DOCK1: variants seen among roughly 807,000 people sequenced by gnomAD.
DOCK1 encodes the protein dedicator of cytokinesis 1.
In DOCK1, 138 loss-of-function variants were observed where a neutral mutation model predicts 262.7. The observed-to-expected ratio is 0.53, with a 90% CI of 0.46 to 0.61. DOCK1 has a LOEUF of 0.61. Ranked by LOEUF, DOCK1 falls within the 20% of genes least tolerant of loss-of-function variation. The probability of loss-of-function intolerance (pLI) is 0.00; values close to 1 mark genes in which losing one functional copy is unlikely to be tolerated. For synonymous variants in DOCK1, 866 were observed against 867.4 expected (o/e 1.00, Z 0.03); for missense variants, 1,908 against 2,370.7 (o/e 0.80, Z 4.05).
chr10:127,018,681 C>T (rs770161078), intron 12 of DOCK1, 29 bp from the exon 13 acceptor site: 21 of 1,613,524 alleles, frequency 1.3e-5, no homozygotes, highest in East Asian at 2.2e-5. Context: ...GGATAAAATG[C>T]GACTTAAGAG....
At chr10:127,352,621 C>A (rs1324396966) in intron 31 of DOCK1, among the ~76,000 whole-genome samples, 1 of 152,034 alleles carries the variant, frequency 6.6e-6, no homozygotes, top group Non-Finnish European at 1.5e-5. Context: ...GATACAGAGT[C>A]TTTCTCTGTC....
chr10:126,940,611 C>T (rs1038632532), intron 1 of DOCK1, among the ~76,000 whole-genome samples: 1 of 152,132 alleles, frequency 6.6e-6, no homozygotes, highest in Non-Finnish European at 1.5e-5. Flanking sequence ...ACCATGTTGG[C>T]CAGGCTAGTC....
At chr10:126,940,174 C>T (rs988165923) in intron 1 of DOCK1, among the ~76,000 whole-genome samples, 2 of 152,186 alleles carry the variant, frequency 1.3e-5, no homozygotes, top group Non-Finnish European at 1.5e-5. Flanking sequence ...GTGAATTAAT[C>T]ACGGTTTACA....
rs144770434 is a variant in DOCK1, at chr10:126,926,487, C to T, written c.46+20924C>T. On this transcript the variant is annotated intron_variant, in intron 1 of 51. Transcript: ENST00000623213. ...CACAACTACTTATCTTGCAGTTTTACGACTGTATCACTTAATAAACATTCT... is the reference window on the plus strand; with the variant it reads ...CACAACTACTTATCTTGCAGTTTTATGACTGTATCACTTAATAAACATTCT... Among the ~76,000 whole-genome samples, 290 of 152,218 alleles carry T rather than the reference C, an allele frequency of 1.9e-3. 2 individuals carry two copies. Among genetic ancestry groups the T allele is most frequent in the African/African-American group, 6.5e-3 (272 of 41,532 alleles).
At chr10:127,179,631 C>A (rs974747190) in intron 27 of DOCK1, among the ~76,000 whole-genome samples, 1 of 152,012 alleles carries the variant, frequency 6.6e-6, no homozygotes, top group African/African-American at 2.4e-5. Context: ...TTCATTTGCT[C>A]TTTATTGGGG....
chr10:127,361,872 A>C (rs2064473280), intron 32 of DOCK1, among the ~76,000 whole-genome samples, 192 bp from the exon 33 acceptor site: 1 of 152,206 alleles, frequency 6.6e-6, no homozygotes, highest in Non-Finnish European at 1.5e-5. Context: ...AACATGTGGA[A>C]TACAGGCCAC....
chr10:127,174,684 AAC>A (rs1186455788), intron 27 of DOCK1, among the ~76,000 whole-genome samples: 1 of 152,174 alleles, frequency 6.6e-6, no homozygotes, highest in African/African-American at 2.4e-5. Context: ...CAGAATGGAA[AAC>A]ACACTGTCTA....
intron 27 of DOCK1, among the ~76,000 whole-genome samples, chr10:127,169,998 T>C (rs757352019): frequency 4.0e-5 from 6 of 151,778 alleles, no homozygotes; most frequent in Non-Finnish European, 8.8e-5. Context: ...GGGGTTCCTT[T>C]AGCTTCTTTT....
chr10:126,907,443 C>T (rs2031076015), intron 1 of DOCK1, among the ~76,000 whole-genome samples: 1 of 152,082 alleles, frequency 6.6e-6, no homozygotes, highest in Admixed American at 6.5e-5. Flanking sequence ...TCCCATTCTA[C>T]AGAGGCAAGG....
At chr10:127,191,050 A>G (rs1393439835) in intron 27 of DOCK1, among the ~76,000 whole-genome samples, 3 of 151,776 alleles carry the variant, frequency 2.0e-5, no homozygotes, top group Non-Finnish European at 4.4e-5. Context: ...CAGCACCTCA[A>G]CCTTTGCTGA....
chr10:126,971,995 C>T (rs1196166273), intron 2 of DOCK1, among the ~76,000 whole-genome samples: 1 of 152,086 alleles, frequency 6.6e-6, no homozygotes, highest in African/African-American at 2.4e-5. Context: ...TGGCCCACCA[C>T]AGCCTCTGCC....
intron 29 of DOCK1, among the ~76,000 whole-genome samples, chr10:127,290,992 C>T (rs1473716773): frequency 1.3e-5 from 2 of 152,088 alleles, no homozygotes; most frequent in South Asian, 2.1e-4. Flanking sequence ...GTTTTGTAAA[C>T]GTCTGGGAGG....
chr10:127,274,232 T>C (rs2135212752), intron 29 of DOCK1, among the ~76,000 whole-genome samples: 1 of 152,286 alleles, frequency 6.6e-6, no homozygotes, highest in Admixed American at 6.5e-5. Flanking sequence ...TTTGGGGTTG[T>C]GTTTTAGCTT....
At chr10:126,948,749 C>G (rs996968687) in intron 1 of DOCK1, among the ~76,000 whole-genome samples, 1 of 152,044 alleles carries the variant, frequency 6.6e-6, no homozygotes, top group Admixed American at 6.6e-5. Flanking sequence ...GCCTGGATCC[C>G]AAGCTTCCCC....
chr10:126,983,772 C>G (rs1035624299), intron 4 of DOCK1, among the ~76,000 whole-genome samples: 1 of 152,202 alleles, frequency 6.6e-6, no homozygotes, highest in African/African-American at 2.4e-5. Context: ...TGACTTCATT[C>G]ATTCTCAGAC....
At chr10:127,045,520 TG>T (rs1380502463) in intron 21 of DOCK1, among the ~76,000 whole-genome samples, 3 of 152,196 alleles carry the variant, frequency 2.0e-5, no homozygotes, top group Non-Finnish European at 2.9e-5. Flanking sequence ...TAGAAGGCTT[TG>T]GTAGGTACAG....
rs1157320118 is a variant in DOCK1, at chr10:127,052,696, G to T, written c.2217G>T (p.Val739=). 25 of 1,613,894 alleles carry T rather than the reference G, an allele frequency of 1.5e-5. No homozygotes were observed. Among genetic ancestry groups the T allele is most frequent in the Non-Finnish European group, 2.1e-5 (25 of 1,179,912 alleles). The change falls in exon 22 of 52, where the codon GTG becomes GTT. Residue 739 remains valine (V), a synonymous_variant. Coordinates refer to ENST00000623213, the MANE Select transcript of DOCK1 (RefSeq NM_001290223.2). ...TTGTGAATAGGAAGTTGACAAAAGT[G>T]TTGAAGAACTACGTGGACGGTGCTG... is the stretch of plus-strand genomic sequence containing the variant. ...ATLAYTKLTK[V]LKNYVDGAEK...
chr10:126,937,513 G>GTTT lies in DOCK1; in HGVS notation c.46+31959_46+31961dup, dbSNP rs1252931098. 5.0e-3 allele frequency among the ~76,000 whole-genome samples: 725 copies of GTTT among 145,066 alleles called. 3 individuals are homozygous for GTTT. The highest frequency in any genetic ancestry group is 0.015 in the African/African-American group (606 of 40,008). ...TTTTCTCCAACACTTGTTATTTTCTGTTTTTTTTTTTGTCTTCTTTTTAAT... is the reference window on the plus strand; with the variant it reads ...TTTTCTCCAACACTTGTTATTTTCTGTTTTTTTTTTTTTTGTCTTCTTTTTAAT... On this transcript the variant is annotated intron_variant, in intron 1 of 51. Transcript: ENST00000623213.
intron 38 of DOCK1, among the ~76,000 whole-genome samples, chr10:127,397,738 CG>C (rs1565059050): frequency 9.2e-6 from 1 of 108,130 alleles, no homozygotes; most frequent in Admixed American, 1.1e-4. Flanking sequence ...ACCCGGGCAG[CG>C]ACTCCTGTAT....
Sources: gnomAD v4.1 joint callset for allele counts (sites outside exome capture counted in the v4.1 genomes callset) on GRCh38, gnomAD v4.1.1 for gene constraint, MANE v1.5 for transcripts, NCBI Gene and HGNC (gene_info 2026-07-23, HGNC 2026-07-21) for gene names.